The following UNC5C variants were observed in gnomAD, a reference collection of about 807,000 sequenced individuals.
UNC5C encodes unc-5 netrin receptor C.
A neutral mutation model predicts 99.8 loss-of-function variants in UNC5C; 47 were observed. That is an observed-to-expected ratio of 0.47 (90% confidence interval 0.37 to 0.60). The LOEUF is 0.60. UNC5C is among the 20% of genes least tolerant of loss of function. The pLI is 0.00. For synonymous variants in UNC5C, 487 were observed against 452.2 expected (o/e 1.08, Z -0.98); for missense variants, 1,062 against 1,165.9 (o/e 0.91, Z 1.30).
chr4:95,262,926 T>A (rs57939117), intron 4 of UNC5C, among the ~76,000 whole-genome samples: 1,754 of 152,206 alleles, frequency 0.012, 34 homozygotes, highest in African/African-American at 0.041. Context: ...GCAATTCTCC[T>A]GCCTCAGCCT....
chr4:95,193,343 G>T lies in UNC5C; in HGVS notation c.2137-8147C>A, dbSNP rs557648679. On this transcript the variant is annotated intron_variant, in intron 12 of 15. Coordinates refer to ENST00000453304, the MANE Select transcript of UNC5C (RefSeq NM_003728.4). ...TCTGGCTGTTTTTTGCTTTGGTTCG[G>T]CTTTCTGGCTCCTGGAGATAGAACC... 2.6e-5 allele frequency among the ~76,000 whole-genome samples: 4 copies of T among 152,308 alleles called. No individual in the cohort carries two copies. In the South Asian group the frequency reaches 8.3e-4, roughly 32 times the overall value.
Position 95,394,601 on chromosome 4 carries a change from G to A in UNC5C, c.125-58970C>T, listed in dbSNP as rs114181222. Reference sequence around the variant, plus strand: ...TATTGTTACATAAAGCAAGAAAGGTGACAAAATTATATAATTACAATTCTG... The same window carrying A: ...TATTGTTACATAAAGCAAGAAAGGTAACAAAATTATATAATTACAATTCTG... On this transcript the variant is annotated intron_variant, in intron 1 of 15. Transcript: ENST00000453304. 9.8e-3 allele frequency among the ~76,000 whole-genome samples: 1,488 copies of A among 151,686 alleles called. 25 individuals carry two copies. Among genetic ancestry groups the A allele is most frequent in the African/African-American group, 0.033 (1,365 of 41,224 alleles).
intron 1 of UNC5C, among the ~76,000 whole-genome samples, chr4:95,536,251 T>G (rs552016597): frequency 1.3e-5 from 2 of 152,102 alleles, no homozygotes; most frequent in Non-Finnish European, 2.9e-5. Context: ...AATTTTTGTA[T>G]TTTTAGTAGA....
chr4:95,289,909 T>G (rs529908628), intron 3 of UNC5C, among the ~76,000 whole-genome samples: 1 of 152,322 alleles, frequency 6.6e-6, no homozygotes, highest in Non-Finnish European at 1.5e-5. Flanking sequence ...TTTCCAGGAA[T>G]AGAGTATCTG....
chr4:95,351,331 C>CTTT (rs34484505), intron 1 of UNC5C, among the ~76,000 whole-genome samples: 12 of 146,360 alleles, frequency 8.2e-5, no homozygotes, highest in African/African-American at 3.0e-4. Flanking sequence ...TAGGGTTAGG[C>CTTT]TTTTTTTTTT....
intron 4 of UNC5C, among the ~76,000 whole-genome samples, chr4:95,258,794 G>A (rs1390422932): frequency 2.8e-5 from 3 of 107,694 alleles, no homozygotes; most frequent in Non-Finnish European, 5.4e-5. Flanking sequence ...TCGCTCTGTC[G>A]CCCAGGCCGG....
At chr4:95,481,371 A>T (rs559982778) in intron 1 of UNC5C, among the ~76,000 whole-genome samples, 1 of 152,004 alleles carries the variant, frequency 6.6e-6, no homozygotes, top group African/African-American at 2.4e-5. Flanking sequence ...GATACAAACA[A>T]ATGGAACAAC....
chr4:95,423,873 A>G (rs140980142), intron 1 of UNC5C, among the ~76,000 whole-genome samples: 4 of 152,322 alleles, frequency 2.6e-5, no homozygotes, highest in African/African-American at 9.6e-5. Context: ...TTAATCTTCT[A>G]AAGTTAAGGA....
chr4:95,321,242 C>G (rs1246345140), intron 2 of UNC5C, among the ~76,000 whole-genome samples: 1 of 151,908 alleles, frequency 6.6e-6, no homozygotes, highest in Non-Finnish European at 1.5e-5. Context: ...CTGATATTTG[C>G]AAATATCGGA....
intron 12 of UNC5C, among the ~76,000 whole-genome samples, chr4:95,197,355 T>TAAAG (rs1389624869): frequency 6.6e-6 from 1 of 151,906 alleles, no homozygotes; most frequent in African/African-American, 2.4e-5. Context: ...CTGCAATTTG[T>TAAAG]AAAGAATCCC....
chr4:95,518,502 A>G (rs1174833805), intron 1 of UNC5C, among the ~76,000 whole-genome samples: 3 of 152,326 alleles, frequency 2.0e-5, no homozygotes, highest in Middle Eastern at 3.4e-3. Context: ...AAATATGCAT[A>G]TTTATACAGA....
chr4:95,469,837 C>T (rs563981144), intron 1 of UNC5C, among the ~76,000 whole-genome samples: 7 of 152,210 alleles, frequency 4.6e-5, no homozygotes, highest in Admixed American at 2.6e-4. Context: ...TCACTTTTAC[C>T]GTGGTACACA....
At chr4:95,508,101 T>G (rs1397574496) in intron 1 of UNC5C, among the ~76,000 whole-genome samples, 1 of 151,986 alleles carries the variant, frequency 6.6e-6, no homozygotes, top group African/African-American at 2.4e-5. Context: ...ATCCTTCATA[T>G]GGTTCCAGAT....
At chr4:95,482,118 G>A (rs1365517676) in intron 1 of UNC5C, among the ~76,000 whole-genome samples, 3 of 151,952 alleles carry the variant, frequency 2.0e-5, no homozygotes, top group Admixed American at 1.3e-4. Flanking sequence ...ATCTGACAAA[G>A]GGCTAATATC....
intron 1 of UNC5C, among the ~76,000 whole-genome samples, chr4:95,516,936 A>C (rs1418308506): frequency 6.6e-6 from 1 of 152,122 alleles, no homozygotes; most frequent in African/African-American, 2.4e-5. Flanking sequence ...AGGGAACTGA[A>C]GTCCCCAGGA....
intron 4 of UNC5C, among the ~76,000 whole-genome samples, chr4:95,273,546 A>C (rs1740741653): frequency 6.6e-6 from 1 of 152,146 alleles, no homozygotes; most frequent in Non-Finnish European, 1.5e-5. Flanking sequence ...GGGTGTATTA[A>C]TTTTCTTGCT....
chr4:95,250,782 T>C (rs1158488658), intron 4 of UNC5C, 115 bp from the exon 5 acceptor site: 2 of 1,046,234 alleles, frequency 1.9e-6, no homozygotes, highest in East Asian at 2.4e-5. Flanking sequence ...AAGCGATACC[T>C]GTGTTTTGTA....
intron 4 of UNC5C, among the ~76,000 whole-genome samples, chr4:95,275,718 G>T (rs58524554): frequency 0.08 from 12,190 of 152,186 alleles, 1,426 homozygotes; most frequent in African/African-American, 0.26. Context: ...GAGAGAAAAG[G>T]AATTACTGCT....
chr4:95,163,364 C>T lies in UNC5C; in HGVS notation c.*5870G>A, dbSNP rs990963631. ...ACAGAGTTGTTTTAACATTGAGAACCTATGTAGCTCAGGTCCCCATTCTCT... is the reference window on the plus strand; with the variant it reads ...ACAGAGTTGTTTTAACATTGAGAACTTATGTAGCTCAGGTCCCCATTCTCT... On this transcript the variant is annotated 3_prime_UTR_variant, in exon 16 of 16. Coordinates refer to ENST00000453304, the MANE Select transcript of UNC5C (RefSeq NM_003728.4). 3.9e-5 allele frequency: 6 copies of T among 152,182 alleles called. No individual in the cohort carries two copies. The highest frequency in any genetic ancestry group is 1.4e-4 in the African/African-American group (6 of 41,442). The allele number at this position is 152,182 out of a possible 1,614,324, so 9.4% of individuals were successfully genotyped here.
Sources: allele counts gnomAD v4.1 joint callset (sites outside exome capture counted in the v4.1 genomes callset), GRCh38; gene constraint gnomAD v4.1.1; transcripts MANE v1.5; gene names NCBI Gene and HGNC (gene_info 2026-07-23, HGNC 2026-07-21).